Variants in NCAM2 observed in about 807,000 individuals in gnomAD.
The protein encoded by NCAM2 is N-CAM-2.
In NCAM2, 30 loss-of-function variants were observed where a neutral mutation model predicts 98.1. The ratio of observed to expected loss-of-function variants is 0.31; its 90% CI spans 0.23 to 0.41. The LOEUF is 0.41. Among genes scored for constraint, NCAM2 ranks in the 10% least tolerant of loss-of-function variants. The pLI, the probability that NCAM2 is intolerant of heterozygous loss-of-function variation, is 1.00. For missense variants in NCAM2, 867 were observed against 1,005.8 expected (o/e 0.86, Z 1.87); for synonymous variants, 368 against 342.4 (o/e 1.07, Z -0.83).
chr21:21,322,059 G>A (rs941205466), intron 5 of NCAM2, among the ~76,000 whole-genome samples: 1 of 152,096 alleles, frequency 6.6e-6, no homozygotes, highest in Non-Finnish European at 1.5e-5. Context: ...GTCAACCTTG[G>A]TACCCATCAA....
At chr21:21,118,212 G>C (rs568789601) in intron 1 of NCAM2, among the ~76,000 whole-genome samples, 7 of 152,242 alleles carry the variant, frequency 4.6e-5, no homozygotes, top group African/African-American at 1.4e-4. Context: ...CCTTTTTCTT[G>C]TTCAATAGCT....
chr21:21,269,968 A>G, intron 1 of NCAM2, among the ~76,000 whole-genome samples: 1 of 152,188 alleles, frequency 6.6e-6, no homozygotes, highest in Admixed American at 6.5e-5. Context: ...TCAGGTTTCT[A>G]CACAAGGTTT....
At chr21:21,046,483 C>G (rs1284425118) in intron 1 of NCAM2, among the ~76,000 whole-genome samples, 3 of 152,096 alleles carry the variant, frequency 2.0e-5, no homozygotes, top group Non-Finnish European at 4.4e-5. Flanking sequence ...CTCAAATTTC[C>G]CCCATATAAC....
intron 1 of NCAM2, among the ~76,000 whole-genome samples, chr21:21,176,678 T>G (rs990651803): frequency 4.6e-5 from 7 of 152,048 alleles, no homozygotes; most frequent in African/African-American, 1.7e-4. Context: ...AAAAGTGTTT[T>G]TTTTGAATTT....
intron 1 of NCAM2, among the ~76,000 whole-genome samples, chr21:21,156,552 A>G (rs547948280): frequency 1.1e-3 from 174 of 151,558 alleles, no homozygotes; most frequent in Non-Finnish European, 1.9e-3. Flanking sequence ...AGTTTTTACT[A>G]TGGAAGTCAA....
At chr21:21,487,428 T>A in intron 15 of NCAM2, among the ~76,000 whole-genome samples, 1 of 152,264 alleles carries the variant, frequency 6.6e-6, no homozygotes, top group East Asian at 1.9e-4. Flanking sequence ...CATAAAATTC[T>A]GTCTCTGAAG....
intron 1 of NCAM2, among the ~76,000 whole-genome samples, chr21:21,245,745 A>G (rs1471092786): frequency 3.3e-5 from 5 of 152,126 alleles, no homozygotes; most frequent in Non-Finnish European, 7.3e-5. Context: ...CCTCAGTTAC[A>G]TTATTTCTTT....
In NCAM2 at chr21:21,320,331, C is replaced by CT. The variant is rs889958042; in HGVS notation, c.620-4043dup. On this transcript the variant is annotated intron_variant, in intron 5 of 17. Coordinates refer to ENST00000400546, the MANE Select transcript of NCAM2 (RefSeq NM_004540.5). Reference sequence around the variant, plus strand: ...AGTTTATAGTAATCAGGAAGATAGACTTTTTTTTTCCAAACGAAATTATAA... The same window carrying CT: ...AGTTTATAGTAATCAGGAAGATAGACTTTTTTTTTTCCAAACGAAATTATAA... Among the ~76,000 whole-genome samples the CT allele has an allele frequency of 1.6e-4, 25 of 151,574 alleles. No homozygotes were observed. The South Asian group carries it at 2.5e-3, about 15-fold the overall frequency.
intron 1 of NCAM2, among the ~76,000 whole-genome samples, chr21:21,207,118 G>A (rs2069465302): frequency 6.6e-6 from 1 of 152,154 alleles, no homozygotes; most frequent in Non-Finnish European, 1.5e-5. Flanking sequence ...AAATGGAGAT[G>A]TAGTGCAAGA....
intron 5 of NCAM2, among the ~76,000 whole-genome samples, chr21:21,298,813 A>T (rs965703943): frequency 3.3e-5 from 5 of 151,656 alleles, no homozygotes; most frequent in African/African-American, 1.2e-4. Flanking sequence ...GTAGAAAAGC[A>T]TGTATTGATT....
Position 21,406,351 on chromosome 21 carries a change from A to G in NCAM2, c.1196-3923A>G, listed in dbSNP as rs1011349234. Among the ~76,000 whole-genome samples, 31 of 152,314 alleles carry G rather than the reference A, an allele frequency of 2.0e-4. No homozygotes were observed. In the South Asian group the frequency reaches 5.8e-3, roughly 29 times the overall value. ...ACAGGGTCCTTGCTAAAGACAGGCC[A>G]AAGACTTAGACCACAATTGTGTTGA... On this transcript the variant is annotated intron_variant, in intron 9 of 17. Transcript: ENST00000400546.
chr21:21,048,058 T>A (rs1170569565), intron 1 of NCAM2, among the ~76,000 whole-genome samples: 2 of 152,192 alleles, frequency 1.3e-5, no homozygotes, highest in African/African-American at 2.4e-5. Context: ...CCCTTTCCCC[T>A]TTGTTTTCCT....
intron 1 of NCAM2, among the ~76,000 whole-genome samples, chr21:21,043,905 A>T (rs2146270018): frequency 6.6e-6 from 1 of 152,078 alleles, no homozygotes; most frequent in African/African-American, 2.4e-5. Flanking sequence ...TTCTTTGCAA[A>T]TATTAAAATA....
intron 1 of NCAM2, among the ~76,000 whole-genome samples, chr21:21,018,977 G>A (rs894775646): frequency 2.6e-5 from 4 of 152,208 alleles, no homozygotes; most frequent in Non-Finnish European, 4.4e-5. Context: ...TTCACATCAC[G>A]TGGTTGGTCA....
At chr21:21,528,228 T>C (rs1159349943) in intron 16 of NCAM2, among the ~76,000 whole-genome samples, 3 of 152,144 alleles carry the variant, frequency 2.0e-5, no homozygotes, top group East Asian at 3.9e-4. Flanking sequence ...GCCCAGAAGA[T>C]TTGTGAGGCA....
chr21:21,543,015 AAAAAAAAGCTT>A lies in NCAM2; in HGVS notation c.*5059_*5069del. On this transcript the variant is annotated 3_prime_UTR_variant, in exon 18 of 18. Transcript: ENST00000400546. Reference sequence around the variant, plus strand: ...GAAGTTAGAAATAAAGGTTTTTTTAAAAAAAAAGCTTTTTTGGTATGTGAACTGTATGCTGT... The same window carrying A: ...GAAGTTAGAAATAAAGGTTTTTTTAATTTTGGTATGTGAACTGTATGCTGT... The A allele has an allele frequency of 6.9e-6, 1 of 145,852 alleles. No homozygotes were observed. The highest frequency in any genetic ancestry group is 2.1e-4 in the South Asian group (1 of 4,804). The allele number at this position is 145,852 out of a possible 1,614,324, so 9.0% of individuals were successfully genotyped here.
intron 1 of NCAM2, among the ~76,000 whole-genome samples, chr21:21,185,672 G>C (rs1344409368): frequency 6.6e-6 from 1 of 152,106 alleles, no homozygotes; most frequent in Admixed American, 6.6e-5. Flanking sequence ...CAGAAATAAA[G>C]TATATTCATA....
chr21:21,202,408 C>CTTTTTTTTT (rs11385750), intron 1 of NCAM2, among the ~76,000 whole-genome samples: 12 of 80,196 alleles, frequency 1.5e-4, no homozygotes, highest in Non-Finnish European at 2.3e-4. Flanking sequence ...AGCAAATATC[C>CTTTTTTTTT]TTTTTTTTTT....
intron 1 of NCAM2, among the ~76,000 whole-genome samples, chr21:21,241,579 G>T (rs983824689): frequency 6.6e-6 from 1 of 152,094 alleles, no homozygotes; most frequent in Non-Finnish European, 1.5e-5. Context: ...ACTGCAGTAG[G>T]GCAGATGGTG....
Sources: gnomAD v4.1 joint callset for allele counts (sites outside exome capture counted in the v4.1 genomes callset) on GRCh38, gnomAD v4.1.1 for gene constraint, MANE v1.5 for transcripts, NCBI Gene and HGNC (gene_info 2026-07-23, HGNC 2026-07-21) for gene names.